The following SIMC1 variants were observed in gnomAD, a reference collection of about 807,000 sequenced individuals.
SIMC1 encodes SUMO interacting motifs containing 1.
In SIMC1, 55 loss-of-function variants were observed where a neutral mutation model predicts 82.3. That is an observed-to-expected ratio of 0.67 (90% CI 0.54 to 0.84). The LOEUF (loss-of-function observed/expected upper bound fraction) is 0.84, where lower values mean the gene tolerates loss of function less well. Ranked by LOEUF, SIMC1 falls within the 40% of genes least tolerant of loss-of-function variation. The pLI is 0.00. For synonymous variants in SIMC1, 353 were observed against 426.3 expected (o/e 0.83, Z 2.12); for missense variants, 915 against 1,107.2 (o/e 0.83, Z 2.46).
chr5:176,262,760 G>A (rs966808839), intron 1 of SIMC1, among the ~76,000 whole-genome samples: 12 of 152,190 alleles, frequency 7.9e-5, no homozygotes, highest in African/African-American at 2.9e-4. Context: ...AGCCGAGATT[G>A]CACCACTGCG....
At chr5:176,307,097 C>T (rs1361895157) in intron 4 of SIMC1, among the ~76,000 whole-genome samples, 1 of 152,016 alleles carries the variant, frequency 6.6e-6, no homozygotes, top group Non-Finnish European at 1.5e-5. Context: ...ATCAAAACCA[C>T]AATGCAATGT....
chr5:176,335,208 G>T (rs1443720588), intron 7 of SIMC1, among the ~76,000 whole-genome samples: 2 of 149,000 alleles, frequency 1.3e-5, no homozygotes, highest in Non-Finnish European at 3.0e-5. Flanking sequence ...GATTATGACA[G>T]AAAGGAAAGT....
intron 4 of SIMC1, among the ~76,000 whole-genome samples, chr5:176,298,089 A>C (rs1376107180): frequency 6.6e-6 from 1 of 152,216 alleles, no homozygotes; most frequent in African/African-American, 2.4e-5. Context: ...TATCACTGTG[A>C]GAACTCTAGA....
chr5:176,248,413 AT>A (rs1761524017), intron 1 of SIMC1, among the ~76,000 whole-genome samples: 1 of 151,906 alleles, frequency 6.6e-6, no homozygotes, highest in Admixed American at 6.6e-5. Context: ...CTGTTTGTCT[AT>A]TATTGGTGTA....
chr5:176,320,331 TTTTATTTATTTATTTATTTA>T lies in SIMC1; in HGVS notation c.1890-1910_1890-1891del, dbSNP rs71299779. 1.6e-3 allele frequency among the ~76,000 whole-genome samples: 219 copies of T among 140,374 alleles called. 1 individual carries two copies. The highest frequency in any genetic ancestry group is 4.9e-3 in the African/African-American group (181 of 36,766). The allele number at this position is 140,374 out of a possible 152,430, so 92.1% of individuals were successfully genotyped here. A position where few individuals can be genotyped will look rare whatever the true frequency, so the allele number is the denominator to read the frequency against. On this transcript the variant is annotated intron_variant, in intron 5 of 9. Coordinates refer to ENST00000429602, the MANE Select transcript of SIMC1 (RefSeq NM_001308195.2). ...ATTAAACAGCTTTCAAGCCATCCTA[TTTTATTTATTTATTTATTTA>T]TTTATTTATTTATTTATTTATTTAT...
chr5:176,340,940 A>G (rs1766111684), intron 9 of SIMC1, among the ~76,000 whole-genome samples: 2 of 152,214 alleles, frequency 1.3e-5, no homozygotes, highest in African/African-American at 4.8e-5. Flanking sequence ...TGAGGTCAGG[A>G]GTTCAAGACC....
At chr5:176,305,945 C>T (rs1341536790) in intron 4 of SIMC1, among the ~76,000 whole-genome samples, 2 of 79,458 alleles carry the variant, frequency 2.5e-5, no homozygotes, top group Non-Finnish European at 5.4e-5. Flanking sequence ...AGTGAGGAGC[C>T]CCTCTGCCCG....
intron 1 of SIMC1, among the ~76,000 whole-genome samples, chr5:176,281,242 A>G (rs1451218117): frequency 6.6e-6 from 1 of 152,182 alleles, no homozygotes; most frequent in Non-Finnish European, 1.5e-5. Context: ...AGGCTTCTGC[A>G]TGCTTCACGT....
chr5:176,279,796 C>G (rs1300531388), intron 1 of SIMC1, among the ~76,000 whole-genome samples: 1 of 151,918 alleles, frequency 6.6e-6, no homozygotes, highest in Non-Finnish European at 1.5e-5. Context: ...GAGTGAGATT[C>G]TTAATCCTGA....
At chr5:176,317,554 C>A (rs1764971534) in intron 5 of SIMC1, among the ~76,000 whole-genome samples, 1 of 152,104 alleles carries the variant, frequency 6.6e-6, no homozygotes, top group South Asian at 2.1e-4. Flanking sequence ...GGAGTTCGCT[C>A]TTTTTCCTCC....
intron 1 of SIMC1, among the ~76,000 whole-genome samples, chr5:176,252,909 T>A (rs1011747380): frequency 6.6e-6 from 1 of 152,216 alleles, no homozygotes; most frequent in Non-Finnish European, 1.5e-5. Context: ...AGGCTGAGGC[T>A]GGCAGATCAC....
At position 176,290,728 on chromosome 5, in the gene SIMC1, G is replaced by A; in HGVS notation, c.1204G>A (p.Glu402Lys). ...AAGCTGCTCTCCCAGCCCACAGTCT[G>A]AAACTCCCTTAGAGAAAGTTCCTTG... ...SPSCSPSPQS[E>K]TPLEKVPWLS... The change falls in exon 2 of 10, where the codon GAA becomes AAA. Residue 402 changes from glutamate (E) to lysine (K), a missense_variant. By Grantham distance (56) the Glu-to-Lys change is moderately conservative. Transcript: ENST00000429602. The A allele has an allele frequency of 1.2e-6, 2 of 1,613,770 alleles. No individual in the cohort carries two copies. Among genetic ancestry groups the A allele is most frequent in the Non-Finnish European group, 1.7e-6 (2 of 1,179,800 alleles).
intron 9 of SIMC1, among the ~76,000 whole-genome samples, chr5:176,340,334 A>G (rs4868630): frequency 0.75 from 113,913 of 152,110 alleles, 42,807 homozygotes; most frequent in Middle Eastern, 0.85. Flanking sequence ...TTGCATAGCC[A>G]TGTGGCTCAA....
At chr5:176,322,126 G>C in intron 5 of SIMC1, 147 bp from the exon 6 acceptor site, 1 of 841,330 alleles carries the variant, frequency 1.2e-6, no homozygotes, top group Non-Finnish European at 1.7e-6. Context: ...TTGCCTGTAG[G>C]GAAATCCAGG....
intron 4 of SIMC1, chr5:176,304,400 G>GTTTTGGTGGAGA (rs1764186200): frequency 5.7e-6 from 1 of 176,490 alleles, no homozygotes. Context: ...TGTTGGCCGG[G>GTTTTGGTGGAGA]CCGGTCTCCA....
At chr5:176,245,969 A>C (rs1467510487) in intron 1 of SIMC1, among the ~76,000 whole-genome samples, 1 of 151,134 alleles carries the variant, frequency 6.6e-6, no homozygotes, top group East Asian at 1.9e-4. Context: ...ATTTGTGCAT[A>C]ATAATCCTCC....
At position 176,336,861 on chromosome 5, in the gene SIMC1, A is replaced by G; in HGVS notation, c.2313A>G (p.Ser771=). The G allele has an allele frequency of 6.2e-7, 1 of 1,613,952 alleles. No individual in the cohort carries two copies. The highest frequency in any genetic ancestry group is 1.6e-4 in the Middle Eastern group (1 of 6,062). The change falls in exon 8 of 10, where the codon TCA becomes TCG. Residue 771 remains serine (S), a synonymous_variant. Transcript: ENST00000429602. ...TCTACTTTCTGAATAATTCTACGTC[A>G]CTGCTCAAGTGTCAGGTACATTTTT... The part of the protein sequence containing the change: ...QALYFLNNST[S]LLKCQSDKSQ...
chr5:176,269,864 G>A (rs991474361), intron 1 of SIMC1, among the ~76,000 whole-genome samples: 7 of 151,958 alleles, frequency 4.6e-5, no homozygotes, highest in African/African-American at 1.7e-4. Context: ...TCCCTTCTGA[G>A]CCTCCCAGGT....
chr5:176,241,061 C>T (rs1761259720), intron 1 of SIMC1, among the ~76,000 whole-genome samples: 3 of 72,314 alleles, frequency 4.1e-5, no homozygotes, highest in South Asian at 4.4e-4. Context: ...AAAGCCATGT[C>T]TAATGCTGAA....
Sources: allele counts gnomAD v4.1 joint callset (sites outside exome capture counted in the v4.1 genomes callset), GRCh38; gene constraint gnomAD v4.1.1; transcripts MANE v1.5; gene names NCBI Gene and HGNC (gene_info 2026-07-23, HGNC 2026-07-21).